Variants in RANBP17 observed in about 807,000 individuals in gnomAD.
RANBP17 encodes ran-binding protein 17.
A neutral mutation model predicts 141.2 loss-of-function variants in RANBP17; 158 were observed. The observed-to-expected ratio is 1.12, with a 90% CI of 0.98 to 1.28. The LOEUF is 1.28. Among genes scored for constraint, RANBP17 ranks in the 50% most tolerant of loss-of-function variants. RANBP17 has a pLI of 0.00. For missense variants in RANBP17, 1,438 were observed against 1,290.7 expected, an observed-to-expected ratio of 1.11 and a Z score of -1.75; for synonymous variants, 430 against 450.0, an observed-to-expected ratio of 0.96 and a Z score of 0.56.
intron 18 of RANBP17, among the ~76,000 whole-genome samples, chr5:171,184,978 C>T (rs1282838851): frequency 3.3e-5 from 5 of 152,088 alleles, no homozygotes; most frequent in East Asian, 1.9e-4. Flanking sequence ...GCCTGACCAA[C>T]ATGGTGAAAC....
chr5:171,262,357 A>C (rs1393540079), intron 24 of RANBP17, among the ~76,000 whole-genome samples: 1 of 152,204 alleles, frequency 6.6e-6, no homozygotes, highest in Non-Finnish European at 1.5e-5. Flanking sequence ...CATTTATACT[A>C]TGCTACATCC....
intron 14 of RANBP17, among the ~76,000 whole-genome samples, chr5:171,068,165 C>T (rs968392953): frequency 6.6e-6 from 1 of 152,048 alleles, no homozygotes; most frequent in African/African-American, 2.4e-5. Flanking sequence ...TGCTCTTGAA[C>T]TCCTATATTG....
intron 14 of RANBP17, among the ~76,000 whole-genome samples, chr5:171,083,574 A>G (rs1328682698): frequency 6.6e-6 from 1 of 152,178 alleles, no homozygotes; most frequent in African/African-American, 2.4e-5. Flanking sequence ...CTTCTACATT[A>G]TTTTTTCTCT....
intron 25 of RANBP17, among the ~76,000 whole-genome samples, chr5:171,273,959 G>A (rs539478829): frequency 1.1e-4 from 16 of 152,260 alleles, no homozygotes; most frequent in East Asian, 7.7e-4. Context: ...GGAACTTAAA[G>A]GGGCCATTTT....
intron 14 of RANBP17, among the ~76,000 whole-genome samples, chr5:171,131,371 A>C (rs1039795317): frequency 6.6e-6 from 1 of 152,200 alleles, no homozygotes. Context: ...TAGATGGAAT[A>C]ATGTTAATTT....
chr5:170,918,853 C>A lies in RANBP17; in HGVS notation c.1095C>A (p.Ser365Arg). The change falls in exon 10 of 28, where the codon AGC (serine) becomes AGA (arginine). Residue 365 changes from serine (S) to arginine (R), a missense_variant. Transcript: ENST00000523189. ...IRLIANFTIT[S>R]LQHWEFAPNS... Reference sequence around the variant, plus strand: ...TGATTGCTAATTTTACCATTACTAGCCTACAGGTAGGTAAAAATATGTAAT... The same window carrying A: ...TGATTGCTAATTTTACCATTACTAGACTACAGGTAGGTAAAAATATGTAAT... 6.4e-7 allele frequency: 1 copy of A among 1,561,380 alleles called. No homozygotes were observed. Among genetic ancestry groups the A allele is most frequent in the Non-Finnish European group, 8.7e-7 (1 of 1,151,416 alleles).
intron 1 of RANBP17, among the ~76,000 whole-genome samples, chr5:170,864,826 A>G (rs903826589): frequency 2.6e-5 from 4 of 152,206 alleles, no homozygotes; most frequent in Admixed American, 1.3e-4. Flanking sequence ...TTTAAATGCA[A>G]TTATAACATG....
intron 14 of RANBP17, among the ~76,000 whole-genome samples, chr5:171,060,959 T>TTG (rs1554090213): frequency 1.2e-4 from 18 of 148,378 alleles, no homozygotes; most frequent in African/African-American, 3.9e-4. Context: ...GTAGAGGTGT[T>TTG]TAGTATTCTC....
chr5:171,120,285 C>T (rs1662028158), intron 14 of RANBP17, among the ~76,000 whole-genome samples: 1 of 152,188 alleles, frequency 6.6e-6, no homozygotes, highest in African/African-American at 2.4e-5. Flanking sequence ...AGCATTGTGC[C>T]TTGCCCAAGG....
At chr5:170,908,538 A>C (rs1192511288) in intron 5 of RANBP17, among the ~76,000 whole-genome samples, 1 of 151,292 alleles carries the variant, frequency 6.6e-6, no homozygotes, top group African/African-American at 2.4e-5. Flanking sequence ...AAAGGGGTAA[A>C]GGTTGAAAAA....
chr5:171,027,092 G>C (rs189807143), intron 14 of RANBP17, among the ~76,000 whole-genome samples: 1 of 152,094 alleles, frequency 6.6e-6, no homozygotes, highest in Admixed American at 6.6e-5. Flanking sequence ...CCCACTATCC[G>C]TCCAGGGAAA....
At chr5:171,230,764 A>AAT (rs1554120201) in intron 22 of RANBP17, among the ~76,000 whole-genome samples, 26 of 151,656 alleles carry the variant, frequency 1.7e-4, no homozygotes, top group African/African-American at 4.8e-4. Context: ...TCTGTTAAAA[A>AAT]ATATATATAT....
chr5:171,097,608 TTTATTATTATTA>T (rs35948377), intron 14 of RANBP17, among the ~76,000 whole-genome samples: 1,586 of 141,384 alleles, frequency 0.011, 31 homozygotes, highest in African/African-American at 0.036. Context: ...ATGTAGTCTT[TTTATTATTATTA>T]TTATTATTAT....
At chr5:170,954,765 A>C (rs957484132) in intron 13 of RANBP17, among the ~76,000 whole-genome samples, 1 of 152,160 alleles carries the variant, frequency 6.6e-6, no homozygotes, top group African/African-American at 2.4e-5. Flanking sequence ...GTTCGTTCCT[A>C]AATGCAGAAT....
intron 12 of RANBP17, among the ~76,000 whole-genome samples, chr5:170,944,065 A>G (rs938874797): frequency 4.6e-5 from 7 of 151,564 alleles, no homozygotes; most frequent in Non-Finnish European, 1.0e-4. Flanking sequence ...TATGTATTCT[A>G]CCTTTTTTTA....
chr5:171,135,119 A>AT lies in RANBP17; in HGVS notation c.1711-35011_1711-35010insT, dbSNP rs1163369341. Among the ~76,000 whole-genome samples, 5 of 151,522 alleles carry AT rather than the reference A, an allele frequency of 3.3e-5. 1 individual carries two copies. Among genetic ancestry groups the AT allele is most frequent in the Admixed American group, 6.6e-5 (1 of 15,206 alleles). The stretch of plus-strand genomic sequence containing the variant: ...TCTGTCTCTACTAAAAATAAAAAAA[A>AT]AATAATAATAATTAGCCAGGCATGG... On this transcript the variant is annotated intron_variant, in intron 14 of 27. Transcript: ENST00000523189.
intron 14 of RANBP17, among the ~76,000 whole-genome samples, chr5:171,111,718 C>T (rs1561666152): frequency 6.6e-6 from 1 of 152,228 alleles, no homozygotes; most frequent in Non-Finnish European, 1.5e-5. Context: ...TCTTCCTTTT[C>T]TCTGGAATGC....
At chr5:170,955,645 A>AGT (rs1461257224) in intron 13 of RANBP17, among the ~76,000 whole-genome samples, 17,110 of 33,020 alleles carry the variant, frequency 0.52, 5,524 homozygotes, top group South Asian at 0.79. Context: ...ATATATGCTC[A>AGT]GTGTATATAT....
intron 18 of RANBP17, among the ~76,000 whole-genome samples, chr5:171,187,814 G>C (rs1761370434): frequency 6.6e-6 from 1 of 152,156 alleles, no homozygotes; most frequent in Non-Finnish European, 1.5e-5. Flanking sequence ...GAATACTGCA[G>C]GTTAGACCAG....
Sources: allele counts gnomAD v4.1 joint callset (sites outside exome capture counted in the v4.1 genomes callset), GRCh38; gene constraint gnomAD v4.1.1; transcripts MANE v1.5; gene names NCBI Gene and HGNC (gene_info 2026-07-23, HGNC 2026-07-21).